The following RYR2 variants were observed in gnomAD, a reference collection of about 807,000 sequenced individuals.
The protein encoded by RYR2 is cardiac muscle ryanodine receptor-calcium release channel.
Under a neutral mutation model 601.1 loss-of-function variants are expected in RYR2, and 227 were observed. That is an observed-to-expected ratio of 0.38 (90% CI 0.34 to 0.42). The LOEUF is 0.42. Ranked by LOEUF, RYR2 falls within the 10% of genes least tolerant of loss-of-function variation. The pLI, the probability that RYR2 is intolerant of heterozygous loss-of-function variation, is 1.00. For synonymous variants in RYR2, 2,223 were observed against 2,175.1 expected, an observed-to-expected ratio of 1.02 and a Z score of -0.61; for missense variants, 4,646 against 6,156.5, an observed-to-expected ratio of 0.75 and a Z score of 8.21.
At chr1:237,209,673 C>A (rs1682350954) in intron 1 of RYR2, among the ~76,000 whole-genome samples, 1 of 151,828 alleles carries the variant, frequency 6.6e-6, no homozygotes, top group South Asian at 2.1e-4. Context: ...GGCAATATAG[C>A]CAGACCCTGT....
At chr1:237,148,504 AGAACTTCAAG>A (rs2148797623) in intron 1 of RYR2, among the ~76,000 whole-genome samples, 8 of 113,756 alleles carry the variant, frequency 7.0e-5, no homozygotes, top group African/African-American at 2.4e-4. Flanking sequence ...CATGTATCCC[AGAACTTCAAG>A]TAAAAAAAAA....
At chr1:237,651,275 C>A (rs1031336343) in intron 50 of RYR2, 136 bp from the exon 51 acceptor site, 19 of 655,714 alleles carry the variant, frequency 2.9e-5, no homozygotes, top group Non-Finnish European at 4.9e-5. Flanking sequence ...AATCTTTGGA[C>A]AAAGAACATC....
intron 87 of RYR2, among the ~76,000 whole-genome samples, chr1:237,776,956 T>TTTCA (rs773921350): frequency 3.3e-5 from 5 of 152,178 alleles, no homozygotes; most frequent in Non-Finnish European, 5.9e-5. Flanking sequence ...TTCAGACTGA[T>TTTCA]TTCAGATGGG....
chr1:237,567,741 A>T (rs973229317), intron 28 of RYR2, among the ~76,000 whole-genome samples: 10 of 151,108 alleles, frequency 6.6e-5, no homozygotes, highest in African/African-American at 2.2e-4. Context: ...TCCTTTTCAC[A>T]TGAGGGGGAA....
chr1:237,634,041 A>G (rs1045194362), intron 43 of RYR2, among the ~76,000 whole-genome samples: 2 of 152,218 alleles, frequency 1.3e-5, no homozygotes, highest in Non-Finnish European at 2.9e-5. Context: ...TTTAGAAAAC[A>G]TTAAGGAGAT....
chr1:237,701,665 G>A (rs867357007), intron 65 of RYR2, among the ~76,000 whole-genome samples: 6 of 151,934 alleles, frequency 3.9e-5, no homozygotes, highest in East Asian at 1.9e-4. Flanking sequence ...GTAATTTCTC[G>A]TCATCCACCC....
At chr1:237,816,087 A>G (rs1661793831) in intron 100 of RYR2, among the ~76,000 whole-genome samples, 1 of 152,108 alleles carries the variant, frequency 6.6e-6, no homozygotes, top group African/African-American at 2.4e-5. Flanking sequence ...GAGCTAGGAC[A>G]TTCCAAGACC....
intron 1 of RYR2, among the ~76,000 whole-genome samples, chr1:237,062,074 C>G (rs76916339): frequency 0.026 from 3,959 of 152,226 alleles, 166 homozygotes; most frequent in African/African-American, 0.089. Context: ...ACTTGACTCT[C>G]TTTTATTTCA....
chr1:237,671,502 GGTGTGTGTGTGTGTGTGCGTGTGT>G (rs1350995751), intron 58 of RYR2, among the ~76,000 whole-genome samples: 1 of 149,280 alleles, frequency 6.7e-6, no homozygotes, highest in African/African-American at 2.5e-5. Flanking sequence ...TTGGTGCCTG[GGTGTGTGTGTGTGTGTGCGTGTGT>G]GTGTGTGTGT....
intron 1 of RYR2, among the ~76,000 whole-genome samples, chr1:237,170,934 A>G (rs1464470902): frequency 6.6e-6 from 1 of 152,054 alleles, no homozygotes; most frequent in Non-Finnish European, 1.5e-5. Context: ...TAGTTCCTGG[A>G]GGTTCCAGGA....
chr1:237,325,454 C>T lies in RYR2; in HGVS notation c.169-5424C>T, dbSNP rs148905517. 2.6e-3 allele frequency among the ~76,000 whole-genome samples: 391 copies of T among 151,958 alleles called. 2 individuals carry two copies. The highest frequency in any genetic ancestry group is 7.9e-3 in the African/African-American group (328 of 41,448). On this transcript the variant is annotated intron_variant, in intron 2 of 104. Transcript: ENST00000366574. ...CTGTAATCCCAGCACTTTGGGAGGC[C>T]GAGGCAGGCGGATCATGAGGTCAGG...
chr1:237,815,597 AC>A (rs1346814636), intron 100 of RYR2, among the ~76,000 whole-genome samples: 13 of 152,192 alleles, frequency 8.5e-5, no homozygotes, highest in African/African-American at 3.1e-4. Context: ...TCCCTTCATC[AC>A]AATGCATAAA....
intron 25 of RYR2, among the ~76,000 whole-genome samples, chr1:237,545,349 A>C (rs1049743900): frequency 6.6e-6 from 1 of 152,248 alleles, no homozygotes; most frequent in African/African-American, 2.4e-5. Flanking sequence ...TCCTCATTCC[A>C]TGAGATATTG....
chr1:237,443,915 A>G (rs1345200790), intron 13 of RYR2, among the ~76,000 whole-genome samples: 1 of 152,174 alleles, frequency 6.6e-6, no homozygotes, highest in Non-Finnish European at 1.5e-5. Context: ...TAGGTCTTTT[A>G]AATATTGTAT....
At chr1:237,454,120 A>G (rs1035810040) in intron 14 of RYR2, among the ~76,000 whole-genome samples, 2 of 152,156 alleles carry the variant, frequency 1.3e-5, no homozygotes, top group African/African-American at 4.8e-5. Flanking sequence ...GAACATTCCT[A>G]CTATTGGTTT....
chr1:237,132,145 C>A lies in RYR2; in HGVS notation c.48+89576C>A, dbSNP rs986406118. 2.0e-5 allele frequency among the ~76,000 whole-genome samples: 3 copies of A among 152,162 alleles called. No homozygotes were observed. In the South Asian group the frequency reaches 6.2e-4, roughly 32 times the overall value. On this transcript the variant is annotated intron_variant, in intron 1 of 104. Coordinates refer to ENST00000366574, the MANE Select transcript of RYR2 (RefSeq NM_001035.3). ...AGCAACATTGTAAAATATATTGTGG[C>A]CTTTGCCTTGCTCTCTGTTTGGTGA...
At chr1:237,313,077 T>A (rs1201116236) in intron 2 of RYR2, among the ~76,000 whole-genome samples, 1 of 149,970 alleles carries the variant, frequency 6.7e-6, no homozygotes, top group Non-Finnish European at 1.5e-5. Flanking sequence ...TATTATCTGT[T>A]CTATTAAAAT....
At chr1:237,630,137 C>G (rs187065455) in intron 41 of RYR2, among the ~76,000 whole-genome samples, 2 of 152,082 alleles carry the variant, frequency 1.3e-5, no homozygotes, top group African/African-American at 4.8e-5. Context: ...AAAAGTAAAT[C>G]ATTCATTAGT....
At chr1:237,239,317 A>G (rs927116916) in intron 1 of RYR2, among the ~76,000 whole-genome samples, 2 of 152,118 alleles carry the variant, frequency 1.3e-5, no homozygotes, top group Non-Finnish European at 2.9e-5. Context: ...GGCAACAGAA[A>G]GTGAAAAGCG....
Sources: allele counts gnomAD v4.1 joint callset (sites outside exome capture counted in the v4.1 genomes callset), GRCh38; gene constraint gnomAD v4.1.1; transcripts MANE v1.5; gene names NCBI Gene and HGNC (gene_info 2026-07-23, HGNC 2026-07-21).